The following SHISA9 variants were observed in gnomAD, a reference collection of about 807,000 sequenced individuals.
SHISA9 encodes the protein shisa family member 9.
Under a neutral mutation model 38.0 loss-of-function variants are expected in SHISA9, and 13 were observed. The ratio of observed to expected loss-of-function variants is 0.34; its 90% CI spans 0.22 to 0.54. The LOEUF is 0.54. SHISA9 is among the 20% of genes least tolerant of loss of function. SHISA9 has a pLI of 0.91. For missense variants in SHISA9, 538 were observed against 575.8 expected (o/e 0.93, Z 0.67); for synonymous variants, 275 against 242.0 (o/e 1.14, Z -1.27).
intron 2 of SHISA9, among the ~76,000 whole-genome samples, chr16:13,048,808 A>G (rs533438743): frequency 6.6e-6 from 1 of 152,366 alleles, no homozygotes; most frequent in Non-Finnish European, 1.5e-5. Flanking sequence ...GGACTTCAAG[A>G]TAACTCCATA....
chr16:13,423,067 C>G, the SHISA9 span, among the ~76,000 whole-genome samples: 1 of 152,174 alleles, frequency 6.6e-6, no homozygotes. Flanking sequence ...ATCCAGCTGC[C>G]TTACCTTAAA....
At chr16:13,350,629 G>A in the SHISA9 span, 1 of 152,210 alleles carries the variant, frequency 6.6e-6, no homozygotes, top group African/African-American at 2.4e-5. Flanking sequence ...GAGTGCCTCT[G>A]TATACCAATT....
Position 13,221,635 on chromosome 16 carries a change from G to C in SHISA9, c.895+8335G>C, listed in dbSNP as rs147554709. On this transcript the variant is annotated intron_variant, in intron 4 of 4. Coordinates refer to ENST00000558583, the MANE Select transcript of SHISA9 (RefSeq NM_001145204.3). ...TTTTTAAACAACTTTATTGAGATATGATTCACCTATCATACAATTCACCCA... is the reference window on the plus strand; with the variant it reads ...TTTTTAAACAACTTTATTGAGATATCATTCACCTATCATACAATTCACCCA... Among the ~76,000 whole-genome samples, 518 of 152,186 alleles carry C rather than the reference G, an allele frequency of 3.4e-3. 4 individuals are homozygous for C. The highest frequency in any genetic ancestry group is 0.012 in the African/African-American group (491 of 41,540).
chr16:13,054,885 C>T (rs2073292506), intron 2 of SHISA9, among the ~76,000 whole-genome samples: 1 of 152,172 alleles, frequency 6.6e-6, no homozygotes, highest in Non-Finnish European at 1.5e-5. Context: ...CACATGCTAT[C>T]CCCACTGGTT....
At chr16:13,098,413 C>G (rs1298784600) in intron 2 of SHISA9, among the ~76,000 whole-genome samples, 1 of 152,148 alleles carries the variant, frequency 6.6e-6, no homozygotes, top group African/African-American at 2.4e-5. Context: ...TTCTGTGTTA[C>G]CATATACCCA....
At chr16:12,938,840 TG>T (rs2071570179) in intron 2 of SHISA9, among the ~76,000 whole-genome samples, 1 of 152,070 alleles carries the variant, frequency 6.6e-6, no homozygotes, top group South Asian at 2.1e-4. Context: ...TTGATTTTTG[TG>T]GTGTATCTTA....
At chr16:13,193,764 G>A (rs1489399690) in intron 2 of SHISA9, among the ~76,000 whole-genome samples, 2 of 152,202 alleles carry the variant, frequency 1.3e-5, no homozygotes, top group East Asian at 1.9e-4. Context: ...ACTGTGTAGG[G>A]CCCATTGCCC....
At chr16:13,082,654 C>A (rs1054299093) in intron 2 of SHISA9, 3 of 152,080 alleles carry the variant, frequency 2.0e-5, no homozygotes, top group Non-Finnish European at 4.4e-5. Flanking sequence ...AACCATATGG[C>A]TAAGATTGGT....
At chr16:13,335,992 C>T in the SHISA9 span, among the ~76,000 whole-genome samples, 1 of 152,182 alleles carries the variant, frequency 6.6e-6, no homozygotes, top group East Asian at 1.9e-4. Flanking sequence ...GCCTGACAAC[C>T]GCCCATCTGG....
intron 2 of SHISA9, among the ~76,000 whole-genome samples, chr16:13,021,000 T>C (rs1427215608): frequency 6.6e-6 from 1 of 152,204 alleles, no homozygotes; most frequent in African/African-American, 2.4e-5. Flanking sequence ...GTGTAGAAAC[T>C]GAAATAGTGA....
At chr16:13,525,951 G>T in the SHISA9 span, among the ~76,000 whole-genome samples, 4 of 152,230 alleles carry the variant, frequency 2.6e-5, no homozygotes, top group African/African-American at 7.2e-5. Flanking sequence ...CATCAAGGTG[G>T]CCCTCCATGG....
chr16:13,233,773 G>A (rs2051354696), intron 4 of SHISA9, among the ~76,000 whole-genome samples: 1 of 152,208 alleles, frequency 6.6e-6, no homozygotes. Flanking sequence ...CACTTTGGGA[G>A]GCCAAGGTGG....
chr16:13,081,517 AT>A (rs1315315829), intron 2 of SHISA9, among the ~76,000 whole-genome samples: 21 of 151,822 alleles, frequency 1.4e-4, no homozygotes, highest in Non-Finnish European at 2.6e-4. Flanking sequence ...GAAGTTAGAC[AT>A]TGTGGCAAGC....
chr16:13,286,410 G>A, the SHISA9 span, among the ~76,000 whole-genome samples: 2 of 152,080 alleles, frequency 1.3e-5, no homozygotes, highest in Non-Finnish European at 2.9e-5. Context: ...CTATTTTTCA[G>A]TACCATTGCT....
At chr16:13,409,378 C>T in the SHISA9 span, among the ~76,000 whole-genome samples, 1 of 152,228 alleles carries the variant, frequency 6.6e-6, no homozygotes, top group Non-Finnish European at 1.5e-5. Flanking sequence ...TCTGTCCTTG[C>T]AGAAAGGTGG....
chr16:13,105,066 C>T (rs780097867), intron 2 of SHISA9, among the ~76,000 whole-genome samples: 18 of 151,950 alleles, frequency 1.2e-4, no homozygotes, highest in Non-Finnish European at 2.2e-4. Flanking sequence ...AAGTGTTTAA[C>T]GTCAAGGAAA....
chr16:13,536,346 G>A, the SHISA9 span, among the ~76,000 whole-genome samples: 1 of 152,200 alleles, frequency 6.6e-6, no homozygotes, highest in South Asian at 2.1e-4. Flanking sequence ...ACATATCCCT[G>A]TGGCTACTTC....
At chr16:13,301,425 C>G in the SHISA9 span, among the ~76,000 whole-genome samples, 1 of 152,190 alleles carries the variant, frequency 6.6e-6, no homozygotes, top group African/African-American at 2.4e-5. Flanking sequence ...TTGCTGGCCT[C>G]AACACTGCAC....
At chr16:13,285,462 GTTTTTTT>G in the SHISA9 span, among the ~76,000 whole-genome samples, 1 of 95,784 alleles carries the variant, frequency 1.0e-5, no homozygotes, top group African/African-American at 4.2e-5. Flanking sequence ...TTCAGGTGTA[GTTTTTTT>G]TTTTTTTTTT....
Sources: allele counts gnomAD v4.1 joint callset (sites outside exome capture counted in the v4.1 genomes callset), GRCh38; gene constraint gnomAD v4.1.1; transcripts MANE v1.5; gene names NCBI Gene and HGNC (gene_info 2026-07-23, HGNC 2026-07-21).